The following ETFA variants were observed in gnomAD, a reference collection of about 807,000 sequenced individuals.
The protein encoded by ETFA is electron transfer flavoprotein subunit alpha.
A neutral mutation model predicts 46.2 loss-of-function variants in ETFA; 22 were observed. The ratio of observed to expected loss-of-function variants is 0.48; its 90% CI spans 0.34 to 0.68. ETFA has a LOEUF of 0.68. ETFA is among the 30% of genes least tolerant of loss of function. The pLI is 0.01. For synonymous variants in ETFA, 131 were observed against 139.9 expected (o/e 0.94, Z 0.45); for missense variants, 345 against 401.1 (o/e 0.86, Z 1.19).
In ETFA at chr15:76,304,763, G is replaced by A. The variant is rs150178562; in HGVS notation, c.39+6587C>T. ...ATGTTTTTATCTAAAGAAAATCCTC[G>A]GCCAGGAGCGGTGGCTCACACCTGT... On this transcript the variant is annotated intron_variant, in intron 1 of 11. Transcript: ENST00000557943. Among the ~76,000 whole-genome samples, 593 of 151,834 alleles carry A rather than the reference G, an allele frequency of 3.9e-3. 3 individuals carry two copies. Among genetic ancestry groups the A allele is most frequent in the African/African-American group, 0.013 (555 of 41,384 alleles).
chr15:76,293,373 T>C (rs1168280548), intron 2 of ETFA, among the ~76,000 whole-genome samples: 1 of 152,194 alleles, frequency 6.6e-6, no homozygotes, highest in African/African-American at 2.4e-5. Flanking sequence ...AAGTTCAATG[T>C]CCTGGAAATG....
At chr15:76,311,329 G>C (rs1181065369) in intron 1 of ETFA, 21 bp downstream of exon 1, 1 of 1,553,596 alleles carries the variant, frequency 6.4e-7, no homozygotes, top group Non-Finnish European at 8.7e-7. Flanking sequence ...CCCTGGGTTC[G>C]CCTTCCCAGT....
At chr15:76,281,428 A>AT (rs1163521200) in intron 8 of ETFA, among the ~76,000 whole-genome samples, 1,490 of 138,948 alleles carry the variant, frequency 0.011, 22 homozygotes, top group African/African-American at 0.031. Flanking sequence ...ACTCTCTAAC[A>AT]TTTTTTTTTT....
chr15:76,275,416 C>A (rs1278737455), intron 8 of ETFA, among the ~76,000 whole-genome samples: 1 of 152,158 alleles, frequency 6.6e-6, no homozygotes, highest in Admixed American at 6.5e-5. Context: ...AATATAGCTA[C>A]TCCTGCTTTC....
At chr15:76,222,326 ATTTT>A (rs11475733) in intron 11 of ETFA, among the ~76,000 whole-genome samples, 2 of 149,760 alleles carry the variant, frequency 1.3e-5, no homozygotes, top group Non-Finnish European at 3.0e-5. Flanking sequence ...CAAATATTGT[ATTTT>A]TTATTTTTTA....
At chr15:76,282,990 C>A (rs2039669992) in intron 8 of ETFA, among the ~76,000 whole-genome samples, 1 of 152,018 alleles carries the variant, frequency 6.6e-6, no homozygotes, top group South Asian at 2.1e-4. Flanking sequence ...ACATCACTCC[C>A]TTCTCATCAA....
At chr15:76,235,174 C>A (rs1178593714) in intron 9 of ETFA, among the ~76,000 whole-genome samples, 1 of 152,184 alleles carries the variant, frequency 6.6e-6, no homozygotes. Context: ...ACTGTTGAGG[C>A]TCGTCCTTAG....
intron 9 of ETFA, among the ~76,000 whole-genome samples, chr15:76,265,357 T>C (rs2039460889): frequency 6.6e-6 from 1 of 152,190 alleles, no homozygotes; most frequent in African/African-American, 2.4e-5. Context: ...GCTGCTACCC[T>C]ACATAAAACT....
At chr15:76,249,448 T>C (rs866167483) in intron 9 of ETFA, among the ~76,000 whole-genome samples, 10 of 138,506 alleles carry the variant, frequency 7.2e-5, no homozygotes, top group Admixed American at 7.2e-5. Flanking sequence ...TTTTTTTTTT[T>C]TTTTTTTTTT....
At position 76,311,255 on chromosome 15, in the gene ETFA, G is replaced by A. The variant is rs2039994787; in HGVS notation, c.39+95C>T. The A allele has an allele frequency of 1.3e-5, 19 of 1,420,392 alleles. 1 individual carries two copies. In the South Asian group the frequency reaches 2.0e-4, roughly 15 times the overall value. 88.0% of individuals were successfully genotyped at this position (1,420,392 alleles called of 1,614,324 possible). A position where few individuals can be genotyped will look rare whatever the true frequency, so the allele number is the denominator to read the frequency against. Reference sequence around the variant, plus strand: ...CGGCCTGCGGGCGCGAGGGCTGGTCGAATCTGAGGGGGCCAGTGATCTTTG... The same window carrying A: ...CGGCCTGCGGGCGCGAGGGCTGGTCAAATCTGAGGGGGCCAGTGATCTTTG... On this transcript the variant is annotated intron_variant, in intron 1 of 11. Transcript: ENST00000557943.
chr15:76,263,830 C>A lies in ETFA; in HGVS notation c.816+10582G>T, dbSNP rs115369586. Among the ~76,000 whole-genome samples the A allele has an allele frequency of 2.6e-5, 4 of 151,960 alleles. No individual in the cohort carries two copies. The East Asian group carries it at 7.7e-4, about 29-fold the overall frequency. On this transcript the variant is annotated intron_variant, in intron 9 of 11. Transcript: ENST00000557943. ...GATTCTGAGTGTGAGAAACAGCTACCGGAGGAGATTAAAGAAAAGAAAGGA... is the reference window on the plus strand; with the variant it reads ...GATTCTGAGTGTGAGAAACAGCTACAGGAGGAGATTAAAGAAAAGAAAGGA...
intron 9 of ETFA, among the ~76,000 whole-genome samples, chr15:76,268,233 A>G (rs1427918663): frequency 6.7e-6 from 1 of 148,996 alleles, no homozygotes; most frequent in East Asian, 2.0e-4. Context: ...CAGTAGATTT[A>G]CTAATGTAGG....
chr15:76,273,143 T>C (rs2039555832), intron 9 of ETFA, among the ~76,000 whole-genome samples: 1 of 151,804 alleles, frequency 6.6e-6, no homozygotes, highest in South Asian at 2.1e-4. Context: ...ATGGGAAAAA[T>C]ACAACACACA....
At chr15:76,263,913 T>G (rs2039444965) in intron 9 of ETFA, among the ~76,000 whole-genome samples, 1 of 152,240 alleles carries the variant, frequency 6.6e-6, no homozygotes, top group South Asian at 2.1e-4. Flanking sequence ...ATTAAGTGAA[T>G]GGCCACCTCC....
At chr15:76,237,046 G>C (rs555899761) in intron 9 of ETFA, among the ~76,000 whole-genome samples, 2 of 152,298 alleles carry the variant, frequency 1.3e-5, no homozygotes, top group South Asian at 4.1e-4. Flanking sequence ...AGCTAGAGTG[G>C]TATTTAGAAA....
chr15:76,302,389 A>AG (rs2039888351), intron 1 of ETFA, among the ~76,000 whole-genome samples: 1 of 151,726 alleles, frequency 6.6e-6, no homozygotes, highest in South Asian at 2.1e-4. Flanking sequence ...TAGTGAAAAA[A>AG]AAAACAGTCT....
At chr15:76,218,132 C>T (rs530671974) in intron 11 of ETFA, among the ~76,000 whole-genome samples, 37 of 152,274 alleles carry the variant, frequency 2.4e-4, no homozygotes, top group Admixed American at 1.7e-3. Flanking sequence ...ACTTTTACCA[C>T]GAAGTGAAAC....
intron 9 of ETFA, among the ~76,000 whole-genome samples, chr15:76,247,319 T>C (rs560833763): frequency 6.6e-6 from 1 of 152,332 alleles, no homozygotes; most frequent in South Asian, 2.1e-4. Context: ...GGACCATATC[T>C]TATGCTCACA....
At chr15:76,259,714 C>T in intron 9 of ETFA, 4 of 1,395,278 alleles carry the variant, frequency 2.9e-6, no homozygotes, top group Non-Finnish European at 4.1e-6. Flanking sequence ...CACACACGGT[C>T]ATGTCCCCTG....
Sources: allele counts gnomAD v4.1 joint callset (sites outside exome capture counted in the v4.1 genomes callset), GRCh38; gene constraint gnomAD v4.1.1; transcripts MANE v1.5; gene names NCBI Gene and HGNC (gene_info 2026-07-23, HGNC 2026-07-21).